The following PRELID2 variants were observed in gnomAD, a reference collection of about 807,000 sequenced individuals.
PRELID2 encodes PRELI domain containing 2, also known as PRELI domain-containing protein 2.
PRELID2 carries 25 observed loss-of-function variants against 28.4 expected under a neutral mutation model. That is an observed-to-expected ratio of 0.88 (90% CI 0.64 to 1.23). The LOEUF (loss-of-function observed/expected upper bound fraction) is 1.23. Ranked by LOEUF, PRELID2 falls within the 50% of genes most tolerant of loss-of-function variation. PRELID2 has a pLI of 0.00. For missense variants in PRELID2, 201 were observed against 214.4 expected (o/e 0.94, Z 0.39); for synonymous variants, 76 against 71.6 (o/e 1.06, Z -0.31).
chr5:145,268,426 C>T, the PRELID2 span, among the ~76,000 whole-genome samples: 1 of 152,068 alleles, frequency 6.6e-6, no homozygotes, highest in South Asian at 2.1e-4. Context: ...TTTTTAGCAC[C>T]TTTGTTGAAA....
chr5:145,229,864 A>G, the PRELID2 span: 18 of 753,862 alleles, frequency 2.4e-5, no homozygotes, highest in African/African-American at 2.9e-4. Flanking sequence ...GGGAAAGTGC[A>G]GGTGCCGGTC....
intron 2 of PRELID2, among the ~76,000 whole-genome samples, chr5:145,821,209 A>C (rs1418242422): frequency 1.9e-5 from 1 of 53,174 alleles, no homozygotes; most frequent in Admixed American, 1.7e-4. Context: ...GTGTGTGTGT[A>C]AGTCCTCTTC....
intron 1 of PRELID2, among the ~76,000 whole-genome samples, chr5:145,496,585 T>C (rs1443536950): frequency 6.6e-6 from 1 of 152,122 alleles, no homozygotes; most frequent in African/African-American, 2.4e-5. Context: ...CAGCCAATGA[T>C]TGGGCATGGT....
At chr5:145,699,193 T>C (rs975087826) in intron 1 of PRELID2, among the ~76,000 whole-genome samples, 1 of 152,104 alleles carries the variant, frequency 6.6e-6, no homozygotes, top group Non-Finnish European at 1.5e-5. Context: ...TGGGAATGCT[T>C]CCTGGGGTAA....
At chr5:145,815,664 T>A (rs2149853708) in intron 4 of PRELID2, among the ~76,000 whole-genome samples, 1 of 152,364 alleles carries the variant, frequency 6.6e-6, no homozygotes, top group Admixed American at 6.5e-5. Context: ...CCATACAATA[T>A]GTGGCCTTTT....
At chr5:145,660,384 T>C (rs151199741) in intron 1 of PRELID2, among the ~76,000 whole-genome samples, 5 of 152,322 alleles carry the variant, frequency 3.3e-5, no homozygotes, top group African/African-American at 1.2e-4. Context: ...CACTACTGTG[T>C]CTTTCTTTCC....
At chr5:145,540,381 C>G (rs183885291) in intron 1 of PRELID2, among the ~76,000 whole-genome samples, 1 of 151,926 alleles carries the variant, frequency 6.6e-6, no homozygotes, top group African/African-American at 2.4e-5. Flanking sequence ...GTAATACTTA[C>G]ACTAGTATAC....
chr5:145,440,097 C>A, the PRELID2 span, among the ~76,000 whole-genome samples: 1 of 152,074 alleles, frequency 6.6e-6, no homozygotes, highest in Non-Finnish European at 1.5e-5. Flanking sequence ...GCTGTGAAAC[C>A]CTTCCATGAG....
the PRELID2 span, among the ~76,000 whole-genome samples, chr5:145,453,888 A>T: frequency 1.3e-5 from 2 of 152,126 alleles, no homozygotes; most frequent in African/African-American, 4.8e-5. Flanking sequence ...GGTTGGTTCC[A>T]AGTCTTTACT....
the PRELID2 span, among the ~76,000 whole-genome samples, chr5:145,444,366 C>G: frequency 6.6e-6 from 1 of 151,960 alleles, no homozygotes; most frequent in Non-Finnish European, 1.5e-5. Flanking sequence ...GAAGAGAATT[C>G]CCCATGGCCA....
the PRELID2 span, among the ~76,000 whole-genome samples, chr5:145,377,786 G>A: frequency 6.6e-6 from 1 of 152,068 alleles, no homozygotes; most frequent in Admixed American, 6.6e-5. Flanking sequence ...GCATACCAAT[G>A]GGTCTTGGTT....
At chr5:145,375,163 T>C in the PRELID2 span, among the ~76,000 whole-genome samples, 1 of 152,058 alleles carries the variant, frequency 6.6e-6, no homozygotes, top group Non-Finnish European at 1.5e-5. Context: ...AATGCAGTTT[T>C]TGTGGGGGCT....
the PRELID2 span, among the ~76,000 whole-genome samples, chr5:145,255,683 A>T: frequency 7.2e-5 from 11 of 152,080 alleles, no homozygotes; most frequent in African/African-American, 2.7e-4. Context: ...TGGGAGGCCA[A>T]GGTGGAAGGA....
chr5:145,433,848 T>C, the PRELID2 span, among the ~76,000 whole-genome samples: 9 of 152,308 alleles, frequency 5.9e-5, no homozygotes, highest in Admixed American at 5.2e-4. Flanking sequence ...GTCTTGAGGA[T>C]CATTTTTACG....
At chr5:145,782,812 CTA>C (rs1267468018) in intron 5 of PRELID2, among the ~76,000 whole-genome samples, 1 of 152,188 alleles carries the variant, frequency 6.6e-6, no homozygotes, top group Non-Finnish European at 1.5e-5. Context: ...GGCTTAAAGA[CTA>C]TTTGTCAGAC....
In PRELID2 at chr5:145,721,282, T is replaced by A. The variant is rs139861040; in HGVS notation, n.70+43649A>T. Among the ~76,000 whole-genome samples, 728 of 152,220 alleles carry A rather than the reference T, an allele frequency of 4.8e-3. 3 individuals carry two copies. Among genetic ancestry groups the A allele is most frequent in the African/African-American group, 0.016 (685 of 41,546 alleles). The stretch of plus-strand genomic sequence containing the variant: ...TATTATTATGAAAATAGTTTTGATC[T>A]CACAGATTCCATGAAAGCGTTTCAA... On this transcript the variant is annotated intron_variant and non_coding_transcript_variant, in intron 1 of 2. Coordinates refer to the PRELID2 transcript ENST00000510259.
chr5:145,481,623 C>CGAAAAAAAAAAAAAAAAAAAAAAAA (rs1752160143), intron 1 of PRELID2, among the ~76,000 whole-genome samples: 6 of 41,862 alleles, frequency 1.4e-4, no homozygotes, highest in Non-Finnish European at 1.9e-4. Context: ...GCAAGGAAAT[C>CGAAAAAAAAAAAAAAAAAAAAAAAA]AAAAAAAAAA....
intron 1 of PRELID2, among the ~76,000 whole-genome samples, chr5:145,625,608 T>C (rs1753834844): frequency 6.6e-6 from 1 of 152,176 alleles, no homozygotes; most frequent in Non-Finnish European, 1.5e-5. Context: ...ATTGACTGTG[T>C]GGAGAAAACA....
the PRELID2 span, among the ~76,000 whole-genome samples, chr5:145,461,210 T>C: frequency 2.0e-5 from 3 of 152,226 alleles, no homozygotes; most frequent in Non-Finnish European, 4.4e-5. Context: ...ATTAGATATA[T>C]AGATAATAAG....
Sources: gnomAD v4.1 joint callset for allele counts (sites outside exome capture counted in the v4.1 genomes callset) on GRCh38, gnomAD v4.1.1 for gene constraint, MANE v1.5 for transcripts, NCBI Gene and HGNC (gene_info 2026-07-23, HGNC 2026-07-21) for gene names.